STAG1: variants seen among roughly 807,000 people sequenced by gnomAD.
STAG1 encodes the protein STAG1 cohesin complex component.
Under a neutral mutation model 170.9 loss-of-function variants are expected in STAG1, and 26 were observed. The observed-to-expected ratio is 0.15, with a 90% CI of 0.11 to 0.21. The LOEUF (loss-of-function observed/expected upper bound fraction) is 0.21. Among genes scored for constraint, STAG1 ranks in the 10% least tolerant of loss-of-function variants. The pLI is 1.00. For synonymous variants in STAG1, 514 were observed against 497.7 expected (o/e 1.03, Z -0.44); for missense variants, 964 against 1,509.5 (o/e 0.64, Z 5.99).
At chr3:136,615,564 G>T (rs1349646070) in intron 3 of STAG1, among the ~76,000 whole-genome samples, 1 of 151,816 alleles carries the variant, frequency 6.6e-6, no homozygotes, top group African/African-American at 2.4e-5. Context: ...AGATCACGAG[G>T]TCAGGAGATT....
rs566978224 is a variant in STAG1 at position 136,531,156 on chromosome 3, A to G, written c.472-9739T>C. On this transcript the variant is annotated intron_variant, in intron 6 of 33. Coordinates refer to ENST00000383202, the MANE Select transcript of STAG1 (RefSeq NM_005862.3). ...TTTATGCAGCCAAAAAACACATGAAAAAATGCTCATCATCACTGGCCATCA... is the reference window on the plus strand; with the variant it reads ...TTTATGCAGCCAAAAAACACATGAAGAAATGCTCATCATCACTGGCCATCA... Among the ~76,000 whole-genome samples the G allele has an allele frequency of 2.4e-4, 36 of 152,040 alleles. No individual in the cohort carries two copies. In the East Asian group the frequency reaches 4.3e-3, roughly 18 times the overall value.
chr3:136,606,355 A>G (rs531593085), intron 3 of STAG1, among the ~76,000 whole-genome samples: 2 of 151,976 alleles, frequency 1.3e-5, no homozygotes, highest in Non-Finnish European at 2.9e-5. Context: ...CGCCCAGCTC[A>G]TTTTTGTACT....
At chr3:136,579,941 G>A (rs1937554588) in intron 4 of STAG1, among the ~76,000 whole-genome samples, 1 of 143,596 alleles carries the variant, frequency 7.0e-6, no homozygotes, top group Non-Finnish European at 1.5e-5. Flanking sequence ...TGCTATTTTG[G>A]TCACAATACC....
intron 1 of STAG1, among the ~76,000 whole-genome samples, chr3:136,734,953 T>C (rs1213479935): frequency 6.6e-6 from 1 of 152,156 alleles, no homozygotes; most frequent in Non-Finnish European, 1.5e-5. Flanking sequence ...CTAAACACAG[T>C]GAACTCGTCC....
intron 21 of STAG1, among the ~76,000 whole-genome samples, chr3:136,411,940 A>C (rs1053160926): frequency 6.7e-6 from 1 of 148,548 alleles, no homozygotes; most frequent in Admixed American, 6.7e-5. Flanking sequence ...GGCATGGACC[A>C]CCACGCCCGG....
At chr3:136,525,765 A>G (rs922965389) in intron 6 of STAG1, among the ~76,000 whole-genome samples, 11 of 152,234 alleles carry the variant, frequency 7.2e-5, no homozygotes, top group Admixed American at 1.3e-4. Context: ...ACACTGCTTT[A>G]AATGTGTCCC....
chr3:136,493,672 A>C (rs544027474), intron 9 of STAG1, among the ~76,000 whole-genome samples: 5 of 151,588 alleles, frequency 3.3e-5, no homozygotes, highest in South Asian at 2.1e-4. Flanking sequence ...AAAAAAAAAA[A>C]AACAACACAA....
At chr3:136,427,060 TAA>T (rs1053830833) in intron 16 of STAG1, among the ~76,000 whole-genome samples, 57 of 119,780 alleles carry the variant, frequency 4.8e-4, no homozygotes, top group Admixed American at 6.0e-4. Flanking sequence ...ACTCGTCTCT[TAA>T]AAAAAAAAAA....
intron 4 of STAG1, among the ~76,000 whole-genome samples, chr3:136,571,527 C>G (rs1200661277): frequency 2.0e-5 from 3 of 152,028 alleles, no homozygotes; most frequent in African/African-American, 7.2e-5. Context: ...AAAGATCGCA[C>G]CACTGCACAC....
chr3:136,468,491 G>T (rs1379029387), intron 12 of STAG1, among the ~76,000 whole-genome samples: 1 of 152,038 alleles, frequency 6.6e-6, no homozygotes, highest in South Asian at 2.1e-4. Flanking sequence ...CCAATAACAG[G>T]CTCTGAAATT....
intron 9 of STAG1, among the ~76,000 whole-genome samples, chr3:136,496,954 TA>T (rs1398250932): frequency 6.6e-6 from 1 of 151,538 alleles, no homozygotes; most frequent in Admixed American, 6.6e-5. Context: ...AAATTACCAA[TA>T]TTATGACCAA....
chr3:136,456,922 A>G (rs374018591), intron 13 of STAG1, among the ~76,000 whole-genome samples: 2 of 152,232 alleles, frequency 1.3e-5, no homozygotes, highest in African/African-American at 2.4e-5. Flanking sequence ...TCCTTCAAAC[A>G]TGAAAGACAG....
chr3:136,740,670 A>C (rs918638874), intron 1 of STAG1, among the ~76,000 whole-genome samples: 2 of 151,558 alleles, frequency 1.3e-5, no homozygotes, highest in Non-Finnish European at 2.9e-5. Context: ...TTGTAGACAC[A>C]GGGTTTCACT....
intron 1 of STAG1, among the ~76,000 whole-genome samples, chr3:136,687,695 C>A: frequency 6.6e-6 from 1 of 151,502 alleles, no homozygotes; most frequent in Non-Finnish European, 1.5e-5. Context: ...GTGGATTATA[C>A]ATTGTCTTTC....
intron 1 of STAG1, among the ~76,000 whole-genome samples, chr3:136,750,474 T>A (rs1935173294): frequency 6.6e-6 from 1 of 152,230 alleles, no homozygotes; most frequent in African/African-American, 2.4e-5. Context: ...CTACAGTCAT[T>A]TTATTAGTCT....
chr3:136,634,829 TG>T (rs1158240515), intron 1 of STAG1, among the ~76,000 whole-genome samples: 1 of 151,860 alleles, frequency 6.6e-6, no homozygotes, highest in African/African-American at 2.4e-5. Flanking sequence ...AAATGACTTT[TG>T]AAAAAAAGAG....
intron 9 of STAG1, among the ~76,000 whole-genome samples, chr3:136,495,731 G>T (rs1933046995): frequency 6.6e-6 from 1 of 152,050 alleles, no homozygotes; most frequent in South Asian, 2.1e-4. Flanking sequence ...CATGTTGGGA[G>T]GCTGAGGCAG....
At chr3:136,488,248 G>A (rs911278902) in intron 9 of STAG1, among the ~76,000 whole-genome samples, 25 of 152,126 alleles carry the variant, frequency 1.6e-4, no homozygotes, top group East Asian at 3.9e-4. Context: ...TCAGCCTCCC[G>A]AGTAGCTGGG....
intron 1 of STAG1, among the ~76,000 whole-genome samples, chr3:136,743,508 C>G (rs1426587524): frequency 6.6e-6 from 1 of 151,816 alleles, no homozygotes; most frequent in Non-Finnish European, 1.5e-5. Context: ...TTTCCCTAAA[C>G]TGATACAAGA....
Sources: allele counts gnomAD v4.1 joint callset (sites outside exome capture counted in the v4.1 genomes callset), GRCh38; gene constraint gnomAD v4.1.1; transcripts MANE v1.5; gene names NCBI Gene and HGNC (gene_info 2026-07-23, HGNC 2026-07-21).